The following MPPE1 variants were observed in gnomAD, a reference collection of about 807,000 sequenced individuals.
The protein encoded by MPPE1 is metallophosphoesterase 1.
MPPE1 carries 28 observed loss-of-function variants against 43.8 expected under a neutral mutation model. That is an observed-to-expected ratio of 0.64 (90% CI 0.47 to 0.88). The LOEUF (loss-of-function observed/expected upper bound fraction) is 0.88, where lower values mean the gene tolerates loss of function less well. Among genes scored for constraint, MPPE1 ranks in the 40% least tolerant of loss-of-function variants. The probability of loss-of-function intolerance (pLI) is 0.00; values close to 1 mark genes in which losing one functional copy is unlikely to be tolerated. For missense variants in MPPE1, 428 were observed against 492.2 expected (o/e 0.87, Z 1.23); for synonymous variants, 159 against 188.5 (o/e 0.84, Z 1.28).
At chr18:11,899,536 T>C (rs568952734) in intron 2 of MPPE1, among the ~76,000 whole-genome samples, 65 of 152,294 alleles carry the variant, frequency 4.3e-4, no homozygotes, top group African/African-American at 1.5e-3. Flanking sequence ...TGGAGACCTC[T>C]GAAGAGAAAA....
intron 4 of MPPE1, chr18:11,893,200 C>A (rs2038195458): frequency 2.4e-6 from 1 of 408,508 alleles, no homozygotes; most frequent in South Asian, 3.9e-5. Context: ...TGTATTCCAA[C>A]TAAATGATAT....
intron 10 of MPPE1, 165 bp from the exon 11 acceptor site, chr18:11,884,792 C>T: frequency 7.3e-7 from 1 of 1,367,102 alleles, no homozygotes; most frequent in Non-Finnish European, 9.6e-7. Context: ...TCTCCCTGCA[C>T]AGCTCACCCC....
intron 6 of MPPE1, among the ~76,000 whole-genome samples, chr18:11,888,288 C>G (rs556699288): frequency 6.6e-6 from 1 of 152,190 alleles, no homozygotes; most frequent in Non-Finnish European, 1.5e-5. Context: ...GACACCATAA[C>G]TACGAGAACA....
At position 11,886,651 on chromosome 18, in the gene MPPE1, G is replaced by A. The variant is rs746158985; in HGVS notation, c.745-30C>T. The stretch of plus-strand genomic sequence containing the variant: ...CCGGGGTGGAGAGAGGAGTTCAGGC[G>A]GCTATCGTGAAACCACAGGCTGCCT... On this transcript the variant is annotated intron_variant, in intron 8 of 10. Coordinates refer to ENST00000588072, the MANE Select transcript of MPPE1 (RefSeq NM_023075.6). The surrounding 1 kb of genome is among the most constrained non-coding windows in gnomAD (Gnocchi z 4.1). The A allele has an allele frequency of 1.4e-5, 23 of 1,613,938 alleles. No individual in the cohort carries two copies. In the East Asian group the frequency reaches 2.5e-4, roughly 17 times the overall value.
In MPPE1 at chr18:11,886,724, CA is replaced by C. The variant is rs1567928096; in HGVS notation, c.732del (p.Val245SerfsTer114). On this transcript the variant is annotated frameshift_variant, in exon 8 of 11. Coordinates refer to ENST00000588072, the MANE Select transcript of MPPE1 (RefSeq NM_023075.6). LOFTEE classifies it high-confidence loss of function. This position sits in a 1 kb window ranked among gnomAD's most constrained non-coding sequence, Gnocchi z 4.1. ...CTCCCCCAGCTCACCTGCAGGAGGACAGGGGCAGACGTGGGCAGCAGAGGCC... is the reference window on the plus strand; with the variant it reads ...CTCCCCCAGCTCACCTGCAGGAGGACGGGGCAGACGTGGGCAGCAGAGGCC... The part of the protein sequence containing the change: ...GPGPLLPTSA[P>X]VLLQHYPLYR... 1 of 1,613,592 alleles carries C rather than the reference CA, an allele frequency of 6.2e-7. No homozygotes were observed. The highest frequency in any genetic ancestry group is 1.7e-5 in the Admixed American group (1 of 60,004).
At chr18:11,884,818 C>T (rs2036941756) in intron 10 of MPPE1, 191 bp from the exon 11 acceptor site, 13 of 1,396,710 alleles carry the variant, frequency 9.3e-6, no homozygotes, top group Non-Finnish European at 1.1e-5. Flanking sequence ...AGCCCAGGCT[C>T]CAGCAGGAGA....
At chr18:11,890,813 A>G (rs1438331579) in intron 4 of MPPE1, among the ~76,000 whole-genome samples, 3 of 152,254 alleles carry the variant, frequency 2.0e-5, no homozygotes, top group Non-Finnish European at 4.4e-5. Flanking sequence ...TGTCTCAACT[A>G]AGACAAGGAT....
In MPPE1 at chr18:11,897,249, A is replaced by G. The variant is rs2038704137; in HGVS notation, c.16T>C (p.Leu6=). 2 of 1,195,804 alleles carry G rather than the reference A, an allele frequency of 1.7e-6. No homozygotes were observed. The highest frequency in any genetic ancestry group is 1.5e-5 in the South Asian group (1 of 67,796). 74.1% of individuals were successfully genotyped at this position (1,195,804 alleles called of 1,614,324 possible). The stretch of plus-strand genomic sequence containing the variant: ...TGAAAATTCTGTCTTCCAAACCCCA[A>G]TTCGATCATCGCCATTTCTCAAGCA... The part of the protein sequence containing the change: MAMIE[L]GFGRQNFHPL... Residue 6 remains leucine, a synonymous_variant, in exon 3 of 11, where the codon TTG becomes CTG. Coordinates refer to ENST00000588072, the MANE Select transcript of MPPE1 (RefSeq NM_023075.6).
intron 2 of MPPE1, chr18:11,902,795 C>G: frequency 6.6e-6 from 1 of 152,524 alleles, no homozygotes; most frequent in Non-Finnish European, 1.5e-5. Context: ...ACAAGGCTGG[C>G]TGACAGCCCA....
Position 11,886,302 on chromosome 18 carries a change from T to TG in MPPE1, c.867+196dup. ...GGGTAGGAAACAGAAGTAGGTTTAC[T>TG]GGAAAAAAAAAAAGCGATTAAATGA... On this transcript the variant is annotated intron_variant, in intron 9 of 10. Transcript: ENST00000588072. The surrounding 1 kb of genome is among the most constrained non-coding windows in gnomAD (Gnocchi z 4.1). The TG allele has an allele frequency of 1.5e-6, 1 of 678,504 alleles. No individual in the cohort carries two copies. Among genetic ancestry groups the TG allele is most frequent in the Non-Finnish European group, 2.5e-6 (1 of 405,072 alleles). 42.0% of individuals were successfully genotyped at this position (678,504 alleles called of 1,614,324 possible). A position where few individuals can be genotyped will look rare whatever the true frequency, so the allele number is the denominator to read the frequency against.
At chr18:11,891,368 G>A (rs960456855) in intron 4 of MPPE1, 3 of 152,052 alleles carry the variant, frequency 2.0e-5, no homozygotes, top group African/African-American at 7.2e-5. Flanking sequence ...AACTACTCGA[G>A]GAGGCTGAGG....
At chr18:11,891,179 T>C (rs1196800407) in intron 4 of MPPE1, 1 of 152,156 alleles carries the variant, frequency 6.6e-6, no homozygotes, top group Non-Finnish European at 1.5e-5. Context: ...ACAAATAACA[T>C]TTAAAGTTAG....
intron 1 of MPPE1, among the ~76,000 whole-genome samples, chr18:11,906,868 A>C (rs938351455): frequency 6.6e-6 from 1 of 151,894 alleles, no homozygotes; most frequent in Non-Finnish European, 1.5e-5. Context: ...AAAAAAAAAA[A>C]AAAATTTATC....
At chr18:11,887,817 A>T (rs1385455001) in intron 6 of MPPE1, among the ~76,000 whole-genome samples, 1 of 152,208 alleles carries the variant, frequency 6.6e-6, no homozygotes, top group East Asian at 1.9e-4. Context: ...CTTAGAGGGA[A>T]ATAATTCAAA....
chr18:11,901,614 G>A (rs1187154282), intron 2 of MPPE1, among the ~76,000 whole-genome samples: 1 of 151,928 alleles, frequency 6.6e-6, no homozygotes, highest in African/African-American at 2.4e-5. Context: ...GCCAAGGCAG[G>A]TGGATCACCT....
chr18:11,890,099 C>G (rs1048226835), intron 4 of MPPE1, among the ~76,000 whole-genome samples: 1 of 150,606 alleles, frequency 6.6e-6, no homozygotes, highest in Non-Finnish European at 1.5e-5. Context: ...CCCGCCACCA[C>G]GCCCGACTAA....
rs766824046 is a variant in MPPE1 at position 11,885,699 on chromosome 18, T to A, written c.985A>T (p.Arg329Ter). 1.9e-6 allele frequency: 3 copies of A among 1,613,736 alleles called. 1 individual carries two copies. In the South Asian group the frequency reaches 3.3e-5, roughly 18 times the overall value. ...ACCATGATGAAACTGGGGTTGTTTCTGTTCCTCCAACTGAAAGATGGGACG... is the reference window on the plus strand; with the variant it reads ...ACCATGATGAAACTGGGGTTGTTTCAGTTCCTCCAACTGAAAGATGGGACG... ...LSVPSFSWRN[R>*]NNPSFIMGSI... Residue 329 changes from arginine to a stop codon, truncating the protein, a stop_gained, in exon 10 of 11, where the codon AGA (arginine) becomes TGA (stop). Transcript: ENST00000588072. LOFTEE classifies it low-confidence loss of function (END_TRUNC).
At chr18:11,891,955 C>T (rs1376007476) in intron 4 of MPPE1, among the ~76,000 whole-genome samples, 1 of 151,544 alleles carries the variant, frequency 6.6e-6, no homozygotes, top group Admixed American at 6.6e-5. Context: ...GCGGCGTGCA[C>T]CATCACGCCT....
chr18:11,886,559 C>T lies in MPPE1; in HGVS notation c.807G>A (p.Glu269=). Reference sequence around the variant, plus strand: ...TCTCCTTAAATGGGATGTCCCTTTCCTCTGCAGGAGCAGCGTCTTCCCCAG... The same window carrying T: ...TCTCCTTAAATGGGATGTCCCTTTCTTCTGCAGGAGCAGCGTCTTCCCCAG... ...NCSGEDAAPA[E]ERDIPFKENY... The change falls in exon 9 of 11, where the codon GAG becomes GAA. Residue 269 remains glutamate, a synonymous_variant. Coordinates refer to ENST00000588072, the MANE Select transcript of MPPE1 (RefSeq NM_023075.6). This position sits in a 1 kb window ranked among gnomAD's most constrained non-coding sequence, Gnocchi z 4.1. 4 of 1,614,200 alleles carry T rather than the reference C, an allele frequency of 2.5e-6. No individual in the cohort carries two copies. Among genetic ancestry groups the T allele is most frequent in the Non-Finnish European group, 3.4e-6 (4 of 1,180,032 alleles).
Sources: gnomAD v4.1 joint callset for allele counts (sites outside exome capture counted in the v4.1 genomes callset) on GRCh38, gnomAD v4.1.1 for gene constraint, Gnocchi (gnomAD v3.1) non-coding constraint, MANE v1.5 for transcripts, NCBI Gene and HGNC (gene_info 2026-07-23, HGNC 2026-07-21) for gene names.